The following STMN2 variants were observed in gnomAD, a reference collection of about 807,000 sequenced individuals.
STMN2 encodes stathmin 2.
In STMN2, 2 loss-of-function variants were observed where a neutral mutation model predicts 24.1. That is an observed-to-expected ratio of 0.08 (90% confidence interval 0.03 to 0.26). The LOEUF is 0.26. STMN2 is among the 10% of genes least tolerant of loss of function. The pLI is 1.00. For missense variants in STMN2, 114 were observed against 213.6 expected, an observed-to-expected ratio of 0.53 and a Z score of 2.91; for synonymous variants, 83 against 77.5, an observed-to-expected ratio of 1.07 and a Z score of -0.37.
chr8:79,637,006 C>G, intron 2 of STMN2, 109 bp downstream of exon 2: 1 of 1,022,742 alleles, frequency 9.8e-7, no homozygotes, highest in Admixed American at 2.1e-5. Flanking sequence ...TTTTGTAGCT[C>G]TCACTATTGA....
chr8:79,611,921 G>C (rs1377284178), intron 1 of STMN2: 1 of 155,658 alleles, frequency 6.4e-6, no homozygotes, highest in African/African-American at 2.4e-5. Flanking sequence ...GCGGGGAAGC[G>C]CGCGGCAGGG....
At chr8:79,634,396 A>G (rs1373929263) in intron 1 of STMN2, among the ~76,000 whole-genome samples, 1 of 152,214 alleles carries the variant, frequency 6.6e-6, no homozygotes, top group East Asian at 1.9e-4. Context: ...CTCAGAATGG[A>G]TGTTCCAGGA....
rs905502272 is a variant in STMN2, at chr8:79,665,002, A to C, written c.*128A>C. 5.5e-5 allele frequency: 46 copies of C among 841,602 alleles called. No homozygotes were observed. The highest frequency in any genetic ancestry group is 5.8e-5 in the Non-Finnish European group (36 of 622,546). 52.1% of individuals were successfully genotyped at this position (841,602 alleles called of 1,614,324 possible). ...AAGAACTCATTATAAAAAAAAAAAA[A>C]CAAAAAAAATCAAAAATTAAAAAAA... On this transcript the variant is annotated 3_prime_UTR_variant, in exon 5 of 5. Transcript: ENST00000220876.
At chr8:79,664,147 G>C (rs1316761353) in intron 4 of STMN2, among the ~76,000 whole-genome samples, 1 of 152,236 alleles carries the variant, frequency 6.6e-6, no homozygotes, top group Non-Finnish European at 1.5e-5. Context: ...TAAGTTTGCA[G>C]GTTAGTCTTT....
chr8:79,635,097 G>A (rs1809911275), intron 1 of STMN2, among the ~76,000 whole-genome samples: 1 of 152,264 alleles, frequency 6.6e-6, no homozygotes, highest in Non-Finnish European at 1.5e-5. Flanking sequence ...CTGGTAGTTT[G>A]CAGATACTTG....
At position 79,633,814 on chromosome 8, in the gene STMN2, C is replaced by T. The variant is rs1026066847; in HGVS notation, c.20-2988C>T. On this transcript the variant is annotated intron_variant, in intron 1 of 4. Coordinates refer to ENST00000220876, the MANE Select transcript of STMN2 (RefSeq NM_007029.4). ...ATTCAGTCCATAATAGTAATGATTA[C>T]TCATTATACATAGGGCTCTAAATGT... 3.3e-5 allele frequency among the ~76,000 whole-genome samples: 5 copies of T among 152,160 alleles called. No individual in the cohort carries two copies. The East Asian group carries it at 5.8e-4, about 18-fold the overall frequency.
intron 4 of STMN2, among the ~76,000 whole-genome samples, chr8:79,661,585 G>A (rs62518068): frequency 0.048 from 7,350 of 152,018 alleles, 223 homozygotes; most frequent in African/African-American, 0.076. Context: ...ATTAAAACTA[G>A]CCTTTATTAA....
At chr8:79,643,247 TAC>T (rs1554545322) in intron 3 of STMN2, among the ~76,000 whole-genome samples, 1 of 147,684 alleles carries the variant, frequency 6.8e-6, no homozygotes, top group Non-Finnish European at 1.5e-5. Flanking sequence ...TATATATATA[TAC>T]AGGAAGTTGC....
chr8:79,664,709 C>A (rs1215577289), intron 4 of STMN2, 106 bp from the exon 5 acceptor site: 2 of 1,028,196 alleles, frequency 1.9e-6, no homozygotes, highest in Non-Finnish European at 2.7e-6. Flanking sequence ...GGGAAAAATT[C>A]ATAAAAGTAG....
intron 3 of STMN2, among the ~76,000 whole-genome samples, chr8:79,647,257 T>C (rs1585902004): frequency 6.6e-6 from 1 of 152,208 alleles, no homozygotes; most frequent in African/African-American, 2.4e-5. Context: ...TTTCTGATTA[T>C]TAAAAGATAA....
rs1327707032 is a variant in STMN2 at position 79,611,132 on chromosome 8, T to G, written c.-64T>G. On this transcript the variant is annotated 5_prime_UTR_variant, in exon 1 of 5. Transcript: ENST00000220876. ...TGCCTTATTCAGTCTTCTCTCTCGC[T>G]CTCTCCGCTGCTGTAGCCGGACCCT... 5.6e-6 allele frequency: 9 copies of G among 1,611,324 alleles called. No individual in the cohort carries two copies. Among genetic ancestry groups the G allele is most frequent in the Middle Eastern group, 1.6e-4 (1 of 6,082 alleles).
intron 1 of STMN2, among the ~76,000 whole-genome samples, chr8:79,627,021 C>T (rs1370443470): frequency 6.6e-6 from 1 of 152,148 alleles, no homozygotes; most frequent in Admixed American, 6.5e-5. Flanking sequence ...TCTTAATGAA[C>T]CTCAAGGCCA....
chr8:79,659,585 A>G (rs1330930232), intron 4 of STMN2, among the ~76,000 whole-genome samples: 1 of 152,246 alleles, frequency 6.6e-6, no homozygotes, highest in Non-Finnish European at 1.5e-5. Flanking sequence ...CAAGAATTGC[A>G]GTGAGACAGT....
intron 1 of STMN2, among the ~76,000 whole-genome samples, chr8:79,627,569 A>C (rs1809686667): frequency 6.6e-6 from 1 of 152,238 alleles, no homozygotes; most frequent in Non-Finnish European, 1.5e-5. Flanking sequence ...TTGAAGCCAA[A>C]AATAGACCTT....
chr8:79,624,180 C>A (rs548913847), intron 1 of STMN2, among the ~76,000 whole-genome samples: 2 of 151,968 alleles, frequency 1.3e-5, no homozygotes. Flanking sequence ...GGAGGCTGGG[C>A]GTGGTGGCTC....
At chr8:79,639,924 G>A (rs1463273192) in intron 2 of STMN2, among the ~76,000 whole-genome samples, 3 of 152,176 alleles carry the variant, frequency 2.0e-5, no homozygotes, top group Non-Finnish European at 2.9e-5. Flanking sequence ...TTCTGCGGCC[G>A]GGCGTGGTGG....
At chr8:79,631,411 A>G in intron 1 of STMN2, 1 of 985,170 alleles carries the variant, frequency 1.0e-6, no homozygotes, top group Non-Finnish European at 1.2e-6. Flanking sequence ...CTGGCTTAGA[A>G]AACCAAATTT....
At position 79,636,802 on chromosome 8, in the gene STMN2, C is replaced by T. The variant is rs776288285; in HGVS notation, c.20C>T (p.Ala7Val). Residue 7 changes from alanine to valine, a missense_variant and splice_region_variant, in exon 2 of 5, where the codon GCC (alanine) becomes GTC (valine). Coordinates refer to ENST00000220876, the MANE Select transcript of STMN2 (RefSeq NM_007029.4). MAKTAM[A>V]YKEKMKELSM... Reference sequence around the variant, plus strand: ...ACTAATCTTCAGCTTTTCATTTCAGCCTACAAGGAAAAAATGAAGGAGCTG... The same window carrying T: ...ACTAATCTTCAGCTTTTCATTTCAGTCTACAAGGAAAAAATGAAGGAGCTG... 1 of 1,613,268 alleles carries T rather than the reference C, an allele frequency of 6.2e-7. No individual in the cohort carries two copies. Among genetic ancestry groups the T allele is most frequent in the Admixed American group, 1.7e-5 (1 of 59,952 alleles).
chr8:79,646,925 G>A (rs548805017), intron 3 of STMN2, among the ~76,000 whole-genome samples: 14 of 152,234 alleles, frequency 9.2e-5, no homozygotes, highest in South Asian at 6.2e-4. Context: ...TCAGAGCAGT[G>A]GGTAGACTAA....
Sources: allele counts gnomAD v4.1 joint callset (sites outside exome capture counted in the v4.1 genomes callset), GRCh38; gene constraint gnomAD v4.1.1; transcripts MANE v1.5; gene names NCBI Gene and HGNC (gene_info 2026-07-23, HGNC 2026-07-21).